Variants in RPN2 observed in about 807,000 individuals in gnomAD.
RPN2 encodes dolichyl-diphosphooligosaccharide--protein glycosyltransferase subunit 2.
A neutral mutation model predicts 71.4 loss-of-function variants in RPN2; 29 were observed. That is an observed-to-expected ratio of 0.41 (90% CI 0.30 to 0.55). The LOEUF is 0.55. Ranked by LOEUF, RPN2 falls within the 20% of genes least tolerant of loss-of-function variation. RPN2 has a pLI of 0.35. For missense variants in RPN2, 726 were observed against 774.1 expected, an observed-to-expected ratio of 0.94 and a Z score of 0.74; for synonymous variants, 308 against 305.0, an observed-to-expected ratio of 1.01 and a Z score of -0.10.
At chr20:37,237,556 C>T (rs1376488344) in intron 16 of RPN2, among the ~76,000 whole-genome samples, 1 of 152,104 alleles carries the variant, frequency 6.6e-6, no homozygotes, top group Non-Finnish European at 1.5e-5. Flanking sequence ...TCAGGGAGAC[C>T]ATCAGTGGGT....
intron 9 of RPN2, among the ~76,000 whole-genome samples, chr20:37,219,057 G>A (rs4812890): frequency 0.73 from 110,532 of 151,996 alleles, 40,651 homozygotes; most frequent in Middle Eastern, 0.85. Context: ...GAATTCCTGC[G>A]TCATATGGTA....
At chr20:37,197,880 C>T (rs1173701319) in intron 2 of RPN2, among the ~76,000 whole-genome samples, 1 of 152,206 alleles carries the variant, frequency 6.6e-6, no homozygotes, top group Non-Finnish European at 1.5e-5. Flanking sequence ...AGATGTGAGC[C>T]ACTGCACCCA....
Position 37,207,415 on chromosome 20 carries a change from C to G in RPN2, c.833C>G (p.Ser278Cys). 2 of 1,614,210 alleles carry G rather than the reference C, an allele frequency of 1.2e-6. No homozygotes were observed. The highest frequency in any genetic ancestry group is 1.1e-5 in the South Asian group (1 of 91,086). The change falls in exon 7 of 17, where the codon TCT becomes TGT. Residue 278 changes from serine (S) to cysteine (C), a missense_variant. By Grantham distance (112) the Ser-to-Cys change is moderately radical. Coordinates refer to ENST00000237530, the MANE Select transcript of RPN2 (RefSeq NM_002951.5). ...CCAGTTGTGGTTGTGCCTGAGGGCT[C>G]TGCTTCCGACACTCATGAACAGGCT... ...HVPVVVVPEG[S>C]ASDTHEQAIL...
At position 37,179,345 on chromosome 20, in the gene RPN2, C is replaced by T. The variant is rs961958210; in HGVS notation, c.-12C>T. The T allele has an allele frequency of 9.8e-6, 12 of 1,222,464 alleles. No individual in the cohort carries two copies. The African/African-American group carries it at 2.3e-4, about 24-fold the overall frequency. The allele number at this position is 1,222,464 out of a possible 1,614,324, so 75.7% of individuals were successfully genotyped here. A position where few individuals can be genotyped will look rare whatever the true frequency, so the allele number is the denominator to read the frequency against. Reference sequence around the variant, plus strand: ...CCCGCGGCTCGGACTCCGGCGGGACCTGCTCGGAGGAATGGCGCCGCCGGG... The same window carrying T: ...CCCGCGGCTCGGACTCCGGCGGGACTTGCTCGGAGGAATGGCGCCGCCGGG... On this transcript the variant is annotated 5_prime_UTR_variant, in exon 1 of 17. Transcript: ENST00000237530.
intron 16 of RPN2, chr20:37,238,339 T>C (rs1280925260): frequency 7.7e-7 from 1 of 1,291,684 alleles, no homozygotes; most frequent in African/African-American, 1.5e-5. Context: ...GTCATTTCTT[T>C]CCTCAGCTGA....
At chr20:37,221,111 A>G (rs187324851) in intron 9 of RPN2, among the ~76,000 whole-genome samples, 3 of 152,264 alleles carry the variant, frequency 2.0e-5, no homozygotes, top group African/African-American at 7.2e-5. Flanking sequence ...CTGAGAGTTT[A>G]CAGCCAGGAT....
At chr20:37,213,553 A>C (rs1376012980) in intron 8 of RPN2, among the ~76,000 whole-genome samples, 3 of 152,068 alleles carry the variant, frequency 2.0e-5, no homozygotes, top group Non-Finnish European at 2.9e-5. Context: ...TCGTGCCACT[A>C]TACTCCAGCC....
intron 16 of RPN2, among the ~76,000 whole-genome samples, chr20:37,239,207 C>T (rs1036435596): frequency 3.9e-5 from 6 of 152,206 alleles, no homozygotes; most frequent in African/African-American, 1.4e-4. Context: ...TCTCTTGGCA[C>T]CAACTACTCA....
intron 13 of RPN2, among the ~76,000 whole-genome samples, chr20:37,231,714 T>TAAAAAAA (rs146042631): frequency 0.56 from 81,634 of 144,732 alleles, 23,812 homozygotes; most frequent in Middle Eastern, 0.74. Flanking sequence ...CCTGTCTCTT[T>TAAAAAAA]AAAAAAAAGA....
rs866086537 is a variant in RPN2 at position 37,229,916 on chromosome 20, T to G, written c.1495-57T>G. ...ATGTGAGTCAGAGAATATTATCTAT[T>G]GAGTTTCACCCACTTCTCTGCCCCT... On this transcript the variant is annotated intron_variant, in intron 12 of 16. Coordinates refer to ENST00000237530, the MANE Select transcript of RPN2 (RefSeq NM_002951.5). 9.9e-5 allele frequency: 125 copies of G among 1,266,364 alleles called. 1 individual carries two copies. The highest frequency in any genetic ancestry group is 3.9e-4 in the South Asian group (33 of 84,076). 78.4% of individuals were successfully genotyped at this position (1,266,364 alleles called of 1,614,324 possible).
At chr20:37,218,149 C>T (rs188607393) in intron 9 of RPN2, among the ~76,000 whole-genome samples, 12 of 152,278 alleles carry the variant, frequency 7.9e-5, no homozygotes, top group East Asian at 1.9e-4. Flanking sequence ...TGAGCCACCA[C>T]GCTTGTAATC....
rs368318447 is a variant in RPN2, at chr20:37,185,372, A to G, written c.207+999A>G. Among the ~76,000 whole-genome samples the G allele has an allele frequency of 2.0e-5, 3 of 151,894 alleles. No homozygotes were observed. The East Asian group carries it at 5.8e-4, about 29-fold the overall frequency. ...GGCTGGTCTTAAACTCCTGGGCTCA[A>G]GTGATCCACCTGCCTCAGCCTCCCA... On this transcript the variant is annotated intron_variant, in intron 2 of 16. Coordinates refer to ENST00000237530, the MANE Select transcript of RPN2 (RefSeq NM_002951.5).
At chr20:37,200,382 T>A in intron 4 of RPN2, 1 of 498,494 alleles carries the variant, frequency 2.0e-6, no homozygotes, top group South Asian at 1.5e-5. Context: ...CTTAAACTGC[T>A]CCTTTAAAAC....
chr20:37,239,135 G>A (rs1339035113), intron 16 of RPN2, among the ~76,000 whole-genome samples: 2 of 152,160 alleles, frequency 1.3e-5, no homozygotes, highest in Admixed American at 6.5e-5. Flanking sequence ...CGCTAGACCA[G>A]GGTCTGGCAA....
At chr20:37,228,400 C>T (rs1478872980) in intron 11 of RPN2, 150 bp from the exon 12 acceptor site, 10 of 751,926 alleles carry the variant, frequency 1.3e-5, no homozygotes, top group Non-Finnish European at 2.0e-5. Flanking sequence ...CATGGCCACT[C>T]CTTCTACTCT....
intron 9 of RPN2, 135 bp from the exon 10 acceptor site, chr20:37,223,740 TATC>T (rs1357837361): frequency 1.4e-6 from 1 of 722,108 alleles, no homozygotes; most frequent in African/African-American, 1.8e-5. Context: ...TCAGTGTTAT[TATC>T]ATCCTTGAAG....
intron 15 of RPN2, among the ~76,000 whole-genome samples, chr20:37,234,780 A>G (rs762833179): frequency 1.3e-5 from 2 of 151,196 alleles, no homozygotes; most frequent in African/African-American, 4.9e-5. Flanking sequence ...TCCCAGACTC[A>G]GGTGATCCTC....
At chr20:37,218,152 T>C (rs931861958) in intron 9 of RPN2, among the ~76,000 whole-genome samples, 1 of 152,166 alleles carries the variant, frequency 6.6e-6, no homozygotes, top group African/African-American at 2.4e-5. Context: ...GCCACCACGC[T>C]TGTAATCCCA....
At chr20:37,213,017 A>G (rs2067712139) in intron 8 of RPN2, among the ~76,000 whole-genome samples, 1 of 152,076 alleles carries the variant, frequency 6.6e-6, no homozygotes, top group Non-Finnish European at 1.5e-5. Flanking sequence ...AATATTTTTA[A>G]TAAAAGTAAG....
Sources: allele counts gnomAD v4.1 joint callset (sites outside exome capture counted in the v4.1 genomes callset), GRCh38; gene constraint gnomAD v4.1.1; transcripts MANE v1.5; gene names NCBI Gene and HGNC (gene_info 2026-07-23, HGNC 2026-07-21).